Variants in ALPK2 observed in about 807,000 individuals in gnomAD.
ALPK2 encodes alpha kinase 2, also known as alpha-protein kinase 2.
A neutral mutation model predicts 163.1 loss-of-function variants in ALPK2; 127 were observed. The ratio of observed to expected loss-of-function variants is 0.78; its 90% CI spans 0.67 to 0.90. The LOEUF (loss-of-function observed/expected upper bound fraction) is 0.90, where lower values mean the gene tolerates loss of function less well. Among genes scored for constraint, ALPK2 ranks in the 40% least tolerant of loss-of-function variants. ALPK2 has a pLI of 0.00. For synonymous variants in ALPK2, 953 were observed against 959.1 expected (o/e 0.99, Z 0.12); for missense variants, 2,360 against 2,589.6 (o/e 0.91, Z 1.92).
chr18:58,625,118 C>A (rs773021512), intron 1 of ALPK2, among the ~76,000 whole-genome samples: 1 of 151,990 alleles, frequency 6.6e-6, no homozygotes, highest in Non-Finnish European at 1.5e-5. Context: ...TCAGAAACCC[C>A]GCCAGGTTTT....
chr18:58,590,218 T>TAAAA, intron 3 of ALPK2, among the ~76,000 whole-genome samples: 1 of 97,252 alleles, frequency 1.0e-5, no homozygotes. Context: ...AGGCTCCATC[T>TAAAA]AAAAAAAAAA....
chr18:58,597,063 G>A (rs2052044689), intron 3 of ALPK2, among the ~76,000 whole-genome samples: 2 of 152,152 alleles, frequency 1.3e-5, no homozygotes, highest in Non-Finnish European at 2.9e-5. Context: ...CGAGGCAGGT[G>A]GATCACTTGA....
At position 58,573,254 on chromosome 18, in the gene ALPK2, GTATATA is replaced by G. The variant is rs1160626574; in HGVS notation, c.1962+5554_1962+5559del. On this transcript the variant is annotated intron_variant, in intron 4 of 12. Transcript: ENST00000361673. Reference sequence around the variant, plus strand: ...TATGTGTGTATATATGTGTATATATGTATATATGTGTATATATATGTATATATGTGT... The same window carrying G: ...TATGTGTGTATATATGTGTATATATGTGTGTATATATATGTATATATGTGT... Among the ~76,000 whole-genome samples, 140 of 134,266 alleles carry G rather than the reference GTATATA, an allele frequency of 1.0e-3. 11 individuals carry two copies. Among genetic ancestry groups the G allele is most frequent in the Non-Finnish European group, 1.6e-3 (103 of 62,578 alleles). 88.1% of individuals were successfully genotyped at this position (134,266 alleles called of 152,430 possible).
chr18:58,563,737 C>G (rs1439880467), intron 4 of ALPK2, among the ~76,000 whole-genome samples: 1 of 152,030 alleles, frequency 6.6e-6, no homozygotes, highest in Admixed American at 6.6e-5. Context: ...AATATTGTAC[C>G]ATAATATATT....
chr18:58,582,235 T>C (rs1157583609), intron 3 of ALPK2, among the ~76,000 whole-genome samples: 1 of 152,184 alleles, frequency 6.6e-6, no homozygotes, highest in Non-Finnish European at 1.5e-5. Context: ...TATTCTGACT[T>C]TGCAAAGAAG....
intron 3 of ALPK2, among the ~76,000 whole-genome samples, chr18:58,582,694 T>G (rs780665338): frequency 3.4e-4 from 52 of 152,136 alleles, no homozygotes; most frequent in Non-Finnish European, 5.4e-4. Context: ...TACAGTTTGG[T>G]TTTATACATT....
At chr18:58,541,414 C>T (rs948079671) in intron 4 of ALPK2, among the ~76,000 whole-genome samples, 1 of 152,282 alleles carries the variant, frequency 6.6e-6, no homozygotes, top group African/African-American at 2.4e-5. Flanking sequence ...CCAATCACCT[C>T]CCACTGGGCC....
chr18:58,538,024 T>C lies in ALPK2; in HGVS notation c.2163A>G (p.Glu721=), dbSNP rs762657966. The C allele has an allele frequency of 6.2e-7, 1 of 1,614,226 alleles. No homozygotes were observed. Among genetic ancestry groups the C allele is most frequent in the South Asian group, 1.1e-5 (1 of 91,084 alleles). ...GTATGTTGCCATCTCTGTCTTGTTT[T>C]TCTTCATGCTGTGGACCACAGGTAC... is the stretch of plus-strand genomic sequence containing the variant. ...KPCTCGPQHE[E]KQDRDGNIPD... Residue 721 remains glutamate (E), a synonymous_variant, in exon 5 of 13, where the codon GAA becomes GAG. Transcript: ENST00000361673.
chr18:58,589,189 T>C (rs1427974586), intron 3 of ALPK2, among the ~76,000 whole-genome samples: 1 of 152,234 alleles, frequency 6.6e-6, no homozygotes, highest in East Asian at 1.9e-4. Flanking sequence ...GTTTGTTCAC[T>C]TGTGTATCCT....
chr18:58,538,667 A>G (rs2051671763), intron 4 of ALPK2: 2 of 163,046 alleles, frequency 1.2e-5, no homozygotes, highest in African/African-American at 4.8e-5. Flanking sequence ...TCCCCAAAAT[A>G]TAACAGCTTG....
At chr18:58,521,676 G>A (rs2051554299) in intron 8 of ALPK2, among the ~76,000 whole-genome samples, 1 of 122,928 alleles carries the variant, frequency 8.1e-6, no homozygotes, top group African/African-American at 3.1e-5. Context: ...TCGCCAGGCT[G>A]GGGGGCAGTG....
chr18:58,492,232 A>C (rs1290802837), intron 12 of ALPK2, among the ~76,000 whole-genome samples: 1 of 152,052 alleles, frequency 6.6e-6, no homozygotes, highest in African/African-American at 2.4e-5. Flanking sequence ...ACACACATAC[A>C]CAGGGACACA....
intron 2 of ALPK2, 129 bp from the exon 3 acceptor site, chr18:58,607,568 G>A (rs1431264524): frequency 5.0e-6 from 3 of 599,058 alleles, no homozygotes; most frequent in Non-Finnish European, 8.6e-6. Context: ...TACGTTAGGT[G>A]AGGAATTGAA....
chr18:58,504,252 TC>T, intron 10 of ALPK2, 104 bp from the exon 11 acceptor site: 1 of 923,940 alleles, frequency 1.1e-6, no homozygotes, highest in Non-Finnish European at 1.7e-6. Context: ...ATAGAATTTG[TC>T]CCCAATTCTG....
intron 4 of ALPK2, among the ~76,000 whole-genome samples, chr18:58,569,403 G>C (rs577902503): frequency 6.6e-6 from 1 of 152,300 alleles, no homozygotes; most frequent in African/African-American, 2.4e-5. Flanking sequence ...TAGGGTTGAG[G>C]GCTTGGCTTT....
At chr18:58,530,998 G>A (rs976517471) in intron 5 of ALPK2, among the ~76,000 whole-genome samples, 1 of 152,000 alleles carries the variant, frequency 6.6e-6, no homozygotes, top group Non-Finnish European at 1.5e-5. Flanking sequence ...GCCAGGAGTT[G>A]GAGACCAGCC....
intron 12 of ALPK2, among the ~76,000 whole-genome samples, chr18:58,496,706 C>G (rs1437344873): frequency 6.6e-6 from 1 of 152,202 alleles, no homozygotes; most frequent in African/African-American, 2.4e-5. Flanking sequence ...CTGGATTCAT[C>G]CCACCACTTT....
intron 1 of ALPK2, among the ~76,000 whole-genome samples, chr18:58,614,169 A>G (rs1162286133): frequency 1.3e-5 from 2 of 152,224 alleles, no homozygotes; most frequent in Admixed American, 6.5e-5. Context: ...AAGAAGTGAC[A>G]TGGTGGCACT....
At chr18:58,597,319 G>A (rs1376267282) in intron 3 of ALPK2, among the ~76,000 whole-genome samples, 1 of 152,096 alleles carries the variant, frequency 6.6e-6, no homozygotes, top group Non-Finnish European at 1.5e-5. Flanking sequence ...AAGAATGGCT[G>A]TGTCTAACAA....
Sources: gnomAD v4.1 joint callset for allele counts (sites outside exome capture counted in the v4.1 genomes callset) on GRCh38, gnomAD v4.1.1 for gene constraint, MANE v1.5 for transcripts, NCBI Gene and HGNC (gene_info 2026-07-23, HGNC 2026-07-21) for gene names.